Variants in TRPM3 observed in about 807,000 individuals in gnomAD.
TRPM3 encodes the protein long transient receptor potential channel 3.
In TRPM3, 77 loss-of-function variants were observed where a neutral mutation model predicts 181.2. The observed-to-expected ratio is 0.42, with a 90% CI of 0.35 to 0.51. TRPM3 has a LOEUF of 0.51. Among genes scored for constraint, TRPM3 ranks in the 20% least tolerant of loss-of-function variants. The pLI, the probability that TRPM3 is intolerant of heterozygous loss-of-function variation, is 0.01. For synonymous variants in TRPM3, 745 were observed against 796.4 expected, an observed-to-expected ratio of 0.94 and a Z score of 1.09; for missense variants, 1,759 against 2,196.7, an observed-to-expected ratio of 0.80 and a Z score of 3.98.
chr9:71,181,747 C>T (rs1031748433), intron 1 of TRPM3, among the ~76,000 whole-genome samples: 3 of 152,026 alleles, frequency 2.0e-5, no homozygotes, highest in South Asian at 4.2e-4. Context: ...CGTTATCTGC[C>T]GTACACACTC....
intron 1 of TRPM3, among the ~76,000 whole-genome samples, chr9:71,010,934 C>CACACAT (rs2097731348): frequency 5.6e-5 from 1 of 17,880 alleles, no homozygotes; most frequent in Non-Finnish European, 1.8e-4. Flanking sequence ...CACACACATA[C>CACACAT]ACACACACAC....
chr9:70,654,759 T>G (rs1397965646), intron 9 of TRPM3, among the ~76,000 whole-genome samples: 9 of 150,640 alleles, frequency 6.0e-5, no homozygotes, highest in Non-Finnish European at 1.0e-4. Flanking sequence ...CTTGGCTCAC[T>G]GCAAGCTCCG....
intron 1 of TRPM3, among the ~76,000 whole-genome samples, chr9:71,267,438 G>T (rs893594356): frequency 1.3e-5 from 2 of 152,188 alleles, no homozygotes; most frequent in African/African-American, 2.4e-5. Flanking sequence ...CTCTGTAGAT[G>T]GTTGTTGAAT....
At chr9:70,604,537 T>G (rs558634166) in intron 19 of TRPM3, among the ~76,000 whole-genome samples, 4 of 152,306 alleles carry the variant, frequency 2.6e-5, no homozygotes, top group Non-Finnish European at 4.4e-5. Context: ...GTGAAAGGAT[T>G]GAGGCCTTGA....
chr9:70,981,862 T>C (rs1252123723), intron 1 of TRPM3, among the ~76,000 whole-genome samples: 2 of 152,170 alleles, frequency 1.3e-5, no homozygotes, highest in Non-Finnish European at 2.9e-5. Context: ...TTAGGAAATA[T>C]TATCTTTGTA....
chr9:70,695,840 A>G (rs1390580288), intron 8 of TRPM3, among the ~76,000 whole-genome samples: 1 of 152,174 alleles, frequency 6.6e-6, no homozygotes, highest in Non-Finnish European at 1.5e-5. Flanking sequence ...GTTAGATACC[A>G]CATGGAGAAC....
At chr9:71,324,854 C>T (rs1283745372) in intron 1 of TRPM3, among the ~76,000 whole-genome samples, 2 of 151,780 alleles carry the variant, frequency 1.3e-5, no homozygotes, top group Non-Finnish European at 2.9e-5. Flanking sequence ...TTAAGTGAAA[C>T]AAATATTGCA....
At chr9:71,083,127 C>T (rs1252810983) in intron 1 of TRPM3, among the ~76,000 whole-genome samples, 2 of 151,940 alleles carry the variant, frequency 1.3e-5, no homozygotes, top group Non-Finnish European at 2.9e-5. Flanking sequence ...AGCCTGAATT[C>T]CAAGTGAATC....
chr9:71,164,027 T>TAAA (rs2134729640), intron 1 of TRPM3, among the ~76,000 whole-genome samples: 1 of 152,264 alleles, frequency 6.6e-6, no homozygotes, highest in East Asian at 1.9e-4. Context: ...GGACTCTTTC[T>TAAA]ATCAAGCAAC....
chr9:71,218,392 C>G (rs1437282567), intron 1 of TRPM3, among the ~76,000 whole-genome samples: 1 of 152,112 alleles, frequency 6.6e-6, no homozygotes, highest in Admixed American at 6.6e-5. Flanking sequence ...ATTTTTATAA[C>G]CATTTTTAGA....
intron 5 of TRPM3, among the ~76,000 whole-genome samples, chr9:70,839,395 T>C (rs182632037): frequency 3.9e-5 from 6 of 152,226 alleles, no homozygotes; most frequent in African/African-American, 1.4e-4. Flanking sequence ...ACAAGTAAGT[T>C]TTCTTCTTTA....
At chr9:70,858,113 C>A (rs1051050403) in intron 3 of TRPM3, among the ~76,000 whole-genome samples, 2 of 152,124 alleles carry the variant, frequency 1.3e-5, no homozygotes, top group Non-Finnish European at 2.9e-5. Flanking sequence ...TATGTCCAGA[C>A]CACACTGGCA....
intron 1 of TRPM3, among the ~76,000 whole-genome samples, chr9:70,972,977 C>T (rs888634733): frequency 2.0e-5 from 3 of 152,156 alleles, no homozygotes; most frequent in Non-Finnish European, 4.4e-5. Flanking sequence ...TATATGATAT[C>T]TGTATAATGC....
At chr9:70,682,063 CT>C (rs1396428170) in intron 8 of TRPM3, among the ~76,000 whole-genome samples, 1 of 152,052 alleles carries the variant, frequency 6.6e-6, no homozygotes, top group African/African-American at 2.4e-5. Flanking sequence ...ACTTCTCAGC[CT>C]CCAGAACTGT....
At chr9:70,979,446 T>G (rs3009571) in intron 1 of TRPM3, among the ~76,000 whole-genome samples, 103,823 of 151,996 alleles carry the variant, frequency 0.68, 35,602 homozygotes, top group South Asian at 0.73. Context: ...GAAGGGGGGA[T>G]CCAACTGTAT....
At chr9:71,181,367 A>ATTTTT (rs59651573) in intron 1 of TRPM3, among the ~76,000 whole-genome samples, 1 of 141,718 alleles carries the variant, frequency 7.1e-6, no homozygotes, top group Non-Finnish European at 1.6e-5. Context: ...GGAAACTGCA[A>ATTTTT]TTTTTTTTTT....
rs1400884004 is a variant in TRPM3, at chr9:71,032,039, TA to T, written c.177+89138del. Among the ~76,000 whole-genome samples the T allele has an allele frequency of 1.6e-3, 4 of 2,482 alleles. 1 individual carries two copies. The highest frequency in any genetic ancestry group is 2.0e-3 in the Non-Finnish European group (4 of 1,998). 1.6% of individuals were successfully genotyped at this position (2,482 alleles called of 152,430 possible). ...AATATATATATATAATATAAATATA[TA>T]TATATATATTATATATATTATATAT... is the stretch of plus-strand genomic sequence containing the variant. On this transcript the variant is annotated intron_variant, in intron 1 of 25. Coordinates refer to ENST00000677713, the MANE Select transcript of TRPM3 (RefSeq NM_001366145.2).
chr9:70,571,570 A>T (rs899499548), intron 22 of TRPM3, among the ~76,000 whole-genome samples: 1 of 152,140 alleles, frequency 6.6e-6, no homozygotes, highest in African/African-American at 2.4e-5. Context: ...AGAGTAGACC[A>T]TTTTTGACTT....
chr9:71,197,751 A>G (rs1386916385), intron 1 of TRPM3, among the ~76,000 whole-genome samples: 1 of 146,366 alleles, frequency 6.8e-6, no homozygotes, highest in East Asian at 2.0e-4. Flanking sequence ...GTTTGAGTTC[A>G]TTGTAGATTC....
Sources: gnomAD v4.1 joint callset for allele counts (sites outside exome capture counted in the v4.1 genomes callset) on GRCh38, gnomAD v4.1.1 for gene constraint, MANE v1.5 for transcripts, NCBI Gene and HGNC (gene_info 2026-07-23, HGNC 2026-07-21) for gene names.